The following KCNIP4 variants were observed in gnomAD, a reference collection of about 807,000 sequenced individuals.
KCNIP4 encodes the protein Kv channel-interacting protein 4.
A neutral mutation model predicts 34.0 loss-of-function variants in KCNIP4; 12 were observed. The observed-to-expected ratio is 0.35, with a 90% CI of 0.23 to 0.57. The LOEUF (loss-of-function observed/expected upper bound fraction) is 0.57, where lower values mean the gene tolerates loss of function less well. Ranked by LOEUF, KCNIP4 falls within the 20% of genes least tolerant of loss-of-function variation. The probability of loss-of-function intolerance (pLI) is 0.83; values close to 1 mark genes in which losing one functional copy is unlikely to be tolerated. For synonymous variants in KCNIP4, 124 were observed against 102.2 expected, an observed-to-expected ratio of 1.21 and a Z score of -1.29; for missense variants, 238 against 311.7, an observed-to-expected ratio of 0.76 and a Z score of 1.78.
At chr4:21,519,746 CACGT>C (rs1414633894) in intron 1 of KCNIP4, among the ~76,000 whole-genome samples, 1 of 122,782 alleles carries the variant, frequency 8.1e-6, no homozygotes, top group East Asian at 2.7e-4. Flanking sequence ...GTATGATACA[CACGT>C]GTGTGTATGT....
At chr4:20,902,711 G>A (rs1355618118) in intron 1 of KCNIP4, among the ~76,000 whole-genome samples, 1 of 151,906 alleles carries the variant, frequency 6.6e-6, no homozygotes, top group African/African-American at 2.4e-5. Context: ...GTAGAGACGG[G>A]GTTTCACCAT....
intron 1 of KCNIP4, among the ~76,000 whole-genome samples, chr4:21,000,074 C>T (rs1737970712): frequency 6.6e-6 from 1 of 152,066 alleles, no homozygotes; most frequent in African/African-American, 2.4e-5. Flanking sequence ...CAGTGTAGAC[C>T]CTTCCTACGT....
intron 1 of KCNIP4, among the ~76,000 whole-genome samples, chr4:20,971,420 A>G (rs1362835205): frequency 6.6e-6 from 1 of 152,178 alleles, no homozygotes; most frequent in Non-Finnish European, 1.5e-5. Flanking sequence ...CTCAAAGATC[A>G]TGTGGGTTCT....
chr4:21,762,871 G>C, intron 1 of KCNIP4: 4 of 1,162,796 alleles, frequency 3.4e-6, no homozygotes, highest in Non-Finnish European at 4.5e-6. Context: ...GAGAATCCCA[G>C]AAGATTGGGA....
chr4:21,520,937 T>C (rs1391825394), intron 1 of KCNIP4, among the ~76,000 whole-genome samples: 2 of 152,192 alleles, frequency 1.3e-5, no homozygotes, highest in African/African-American at 4.8e-5. Flanking sequence ...ATCTTTTAAT[T>C]AAATTGCCCT....
intron 1 of KCNIP4, among the ~76,000 whole-genome samples, chr4:21,589,172 A>G (rs185020053): frequency 7.5e-5 from 3 of 39,784 alleles, no homozygotes; most frequent in African/African-American, 1.6e-4. Flanking sequence ...ATATATATAT[A>G]TATATATATA....
chr4:20,914,804 C>T lies in KCNIP4; in HGVS notation c.62-32095G>A, dbSNP rs745318373. Among the ~76,000 whole-genome samples the T allele has an allele frequency of 1.7e-4, 26 of 152,252 alleles. 1 individual carries two copies. Among genetic ancestry groups the T allele is most frequent in the Admixed American group, 2.6e-4 (4 of 15,290 alleles). On this transcript the variant is annotated intron_variant, in intron 1 of 8. Coordinates refer to ENST00000382152, the MANE Select transcript of KCNIP4 (RefSeq NM_025221.6). ...ACATGGTGGGTTCAGATCTTACCAA[C>T]GATCCGAACCCTAATTAGTTGAAAA...
At chr4:21,328,675 G>A (rs765005201) in intron 1 of KCNIP4, among the ~76,000 whole-genome samples, 3 of 152,244 alleles carry the variant, frequency 2.0e-5, no homozygotes, top group Non-Finnish European at 2.9e-5. Flanking sequence ...AGGGCGGCAA[G>A]TTCCACTGGT....
intron 1 of KCNIP4, among the ~76,000 whole-genome samples, chr4:21,260,324 T>A (rs1761390838): frequency 6.6e-6 from 1 of 152,222 alleles, no homozygotes; most frequent in South Asian, 2.1e-4. Context: ...TTTGGGATAA[T>A]ATGAAGAGGC....
intron 1 of KCNIP4, among the ~76,000 whole-genome samples, chr4:21,500,009 T>C (rs966118997): frequency 1.3e-5 from 2 of 152,114 alleles, no homozygotes; most frequent in Non-Finnish European, 2.9e-5. Flanking sequence ...AATCTGCAAG[T>C]AGAATTTACA....
chr4:21,302,122 A>G (rs1338390957), intron 1 of KCNIP4, among the ~76,000 whole-genome samples: 1 of 152,236 alleles, frequency 6.6e-6, no homozygotes, highest in African/African-American at 2.4e-5. Flanking sequence ...AAAGTACAAG[A>G]GAGAAATTGT....
intron 1 of KCNIP4, among the ~76,000 whole-genome samples, chr4:21,861,663 A>AAG (rs1303802628): frequency 6.6e-6 from 1 of 151,398 alleles, no homozygotes; most frequent in African/African-American, 2.4e-5. Flanking sequence ...TCTCAAAAAA[A>AAG]AAAAAAAAAA....
At chr4:21,506,252 T>C (rs1487175785) in intron 1 of KCNIP4, among the ~76,000 whole-genome samples, 7 of 152,206 alleles carry the variant, frequency 4.6e-5, no homozygotes. Flanking sequence ...GTTCAGAATG[T>C]AGATGTTGAA....
At chr4:20,879,863 A>C (rs576925072) in intron 2 of KCNIP4, among the ~76,000 whole-genome samples, 225 of 152,284 alleles carry the variant, frequency 1.5e-3, no homozygotes, top group African/African-American at 5.1e-3. Flanking sequence ...AATAATTCAA[A>C]ATTTAGGGGA....
At chr4:21,775,153 G>A (rs1427762263) in intron 1 of KCNIP4, among the ~76,000 whole-genome samples, 1 of 152,036 alleles carries the variant, frequency 6.6e-6, no homozygotes, top group Non-Finnish European at 1.5e-5. Context: ...TTTTTGGTTG[G>A]TGGTGTTGAT....
chr4:21,179,721 C>T (rs1042814883), intron 1 of KCNIP4, among the ~76,000 whole-genome samples: 2 of 152,090 alleles, frequency 1.3e-5, no homozygotes, highest in African/African-American at 4.8e-5. Context: ...CTTTGAATTT[C>T]CTTGTATTCT....
intron 1 of KCNIP4, among the ~76,000 whole-genome samples, chr4:21,562,757 C>T (rs1406096813): frequency 6.6e-6 from 1 of 151,836 alleles, no homozygotes; most frequent in Non-Finnish European, 1.5e-5. Context: ...AAAATTTGTC[C>T]ACACGCAGGG....
At chr4:21,153,523 A>G (rs867909572) in intron 1 of KCNIP4, among the ~76,000 whole-genome samples, 22,715 of 131,910 alleles carry the variant, frequency 0.17, 1,815 homozygotes, top group African/African-American at 0.27. Context: ...GTGTATATAT[A>G]TATATATATA....
intron 1 of KCNIP4, among the ~76,000 whole-genome samples, chr4:21,181,169 A>T (rs1447719272): frequency 5.3e-5 from 8 of 152,178 alleles, no homozygotes; most frequent in Non-Finnish European, 1.2e-4. Flanking sequence ...GGGAAATAGC[A>T]TAAAGACATT....
Sources: allele counts gnomAD v4.1 joint callset (sites outside exome capture counted in the v4.1 genomes callset), GRCh38; gene constraint gnomAD v4.1.1; transcripts MANE v1.5; gene names NCBI Gene and HGNC (gene_info 2026-07-23, HGNC 2026-07-21).